The following PCDHA8 variants were observed in gnomAD, a reference collection of about 807,000 sequenced individuals.
PCDHA8 encodes protocadherin alpha 8.
Under a neutral mutation model 61.8 loss-of-function variants are expected in PCDHA8, and 53 were observed. The observed-to-expected ratio is 0.86, with a 90% CI of 0.69 to 1.08. The LOEUF (loss-of-function observed/expected upper bound fraction) is 1.08, where lower values mean the gene tolerates loss of function less well. PCDHA8 is among the 50% of genes least tolerant of loss of function. PCDHA8 has a pLI of 0.00. For missense variants in PCDHA8, 1,293 were observed against 1,245.0 expected (o/e 1.04, Z -0.58); for synonymous variants, 618 against 556.6 (o/e 1.11, Z -1.55).
chr5:140,926,726 C>T, intron 1 of PCDHA8: 1 of 1,046,502 alleles, frequency 9.6e-7, no homozygotes, highest in Non-Finnish European at 1.3e-6. Flanking sequence ...GCAATGCCGG[C>T]GTTCGGGAGG....
Position 140,849,199 on chromosome 5 carries a change from A to G in PCDHA8, c.2394+5484A>G, listed in dbSNP as rs1581177103. 1 of 1,039,422 alleles carries G rather than the reference A, an allele frequency of 9.6e-7. No homozygotes were observed. The allele number at this position is 1,039,422 out of a possible 1,614,324, so 64.4% of individuals were successfully genotyped here. On this transcript the variant is annotated intron_variant, in intron 1 of 3. Transcript: ENST00000531613. Reference sequence around the variant, plus strand: ...CAATTACTCATCACGGTACTGGACAACAATGACAATGCCCCAGTGTTCGAC... The same window carrying G: ...CAATTACTCATCACGGTACTGGACAGCAATGACAATGCCCCAGTGTTCGAC...
rs1310762753 is a variant in PCDHA8, at chr5:140,855,371, T to A, written c.2394+11656T>A. Among the ~76,000 whole-genome samples, 3 of 149,996 alleles carry A rather than the reference T, an allele frequency of 2.0e-5. 1 individual carries two copies. Among genetic ancestry groups the A allele is most frequent in the African/African-American group, 7.3e-5 (3 of 40,926 alleles). On this transcript the variant is annotated intron_variant, in intron 1 of 3. Transcript: ENST00000531613. ...GTCATGTGGCTAGTGAGTAGGATAATAGGAATCTAAATGGAGAAATGTCTG... is the reference window on the plus strand; with the variant it reads ...GTCATGTGGCTAGTGAGTAGGATAAAAGGAATCTAAATGGAGAAATGTCTG...
rs369919324 is a variant in PCDHA8 at position 140,857,387 on chromosome 5, G to T, written c.2394+13672G>T. 3.0e-5 allele frequency: 48 copies of T among 1,598,472 alleles called. 4 individuals carry two copies. The highest frequency in any genetic ancestry group is 3.3e-5 in the Non-Finnish European group (38 of 1,167,956). ...CAGCGTGTCTGTGGAGGTGGCCGAC[G>T]TGAACGACAACGCGCCTGCGTTCGC... is the stretch of plus-strand genomic sequence containing the variant. On this transcript the variant is annotated intron_variant, in intron 1 of 3. Transcript: ENST00000531613.
chr5:140,978,544 A>G (rs2096808919), intron 1 of PCDHA8, among the ~76,000 whole-genome samples: 1 of 152,234 alleles, frequency 6.6e-6, no homozygotes, highest in Non-Finnish European at 1.5e-5. Context: ...TTGTGTAGCC[A>G]TGTGCCCTGT....
chr5:140,935,736 A>G (rs2090532745), intron 1 of PCDHA8, among the ~76,000 whole-genome samples: 1 of 152,190 alleles, frequency 6.6e-6, no homozygotes, highest in Admixed American at 6.5e-5. Flanking sequence ...TCTAGTATCT[A>G]TTATTCCATA....
At chr5:140,880,095 A>G (rs2058235665) in intron 1 of PCDHA8, among the ~76,000 whole-genome samples, 1 of 152,246 alleles carries the variant, frequency 6.6e-6, no homozygotes, top group South Asian at 2.1e-4. Flanking sequence ...AGTAGGCTTA[A>G]AATCATAGAA....
rs2150365344 is a variant in PCDHA8 at position 140,843,702 on chromosome 5, A to C, written c.2381A>C (p.Asp794Ala). Reference protein sequence around the residue: ...DVGEEQDLNVDHGLKPRQPNP... With the variant: ...DVGEEQDLNVAHGLKPRQPNP... ...GGCGAAGAGCAAGATTTAAATGTTG[A>C]TCATGGCCTCAAAGTAAGTCCATTT... The change falls in exon 1 of 4, where the codon GAT becomes GCT. Residue 794 changes from aspartate to alanine, a missense_variant. By Grantham distance (126) the Asp-to-Ala change is moderately radical. Transcript: ENST00000531613. 12 of 1,580,560 alleles carry C rather than the reference A, an allele frequency of 7.6e-6. 1 individual carries two copies. In the African/African-American group the frequency reaches 1.5e-4, roughly 20 times the overall value.
chr5:140,928,106 G>A, intron 1 of PCDHA8: 4 of 1,614,150 alleles, frequency 2.5e-6, no homozygotes, highest in Non-Finnish European at 3.4e-6. Context: ...CCCCTGGACC[G>A]GGAGCAGATC....
chr5:140,939,701 T>C (rs782486336), intron 1 of PCDHA8, among the ~76,000 whole-genome samples: 2 of 152,210 alleles, frequency 1.3e-5, no homozygotes, highest in Non-Finnish European at 2.9e-5. Context: ...GACATTATCA[T>C]TTGTGAGATA....
In PCDHA8 at chr5:141,009,994, C is replaced by T; in HGVS notation, c.*57C>T. 1.3e-6 allele frequency: 2 copies of T among 1,577,076 alleles called. No individual in the cohort carries two copies. Among genetic ancestry groups the T allele is most frequent in the South Asian group, 1.2e-5 (1 of 83,074 alleles). On this transcript the variant is annotated 3_prime_UTR_variant, in exon 4 of 4. Transcript: ENST00000531613. Reference sequence around the variant, plus strand: ...GTTTTTGTAATAATGGCAAATCTCTCCCATGTAGCAATTCCCTGCTCCTTT... The same window carrying T: ...GTTTTTGTAATAATGGCAAATCTCTTCCATGTAGCAATTCCCTGCTCCTTT...
chr5:140,884,654 T>C, intron 1 of PCDHA8: 1 of 1,602,858 alleles, frequency 6.2e-7, no homozygotes, highest in South Asian at 1.1e-5. Context: ...CTCAGAATGC[T>C]TGAAAGAGGT....
At chr5:140,845,285 A>G (rs1237210455) in intron 1 of PCDHA8, among the ~76,000 whole-genome samples, 1 of 149,314 alleles carries the variant, frequency 6.7e-6, no homozygotes, top group East Asian at 1.9e-4. Context: ...AATATTTCCT[A>G]TCCTGTCTAT....
chr5:140,842,996 A>C lies in PCDHA8; in HGVS notation c.1675A>C (p.Asn559His). The change falls in exon 1 of 4, where the codon AAT (asparagine) becomes CAT (histidine). Residue 559 changes from asparagine to histidine, a missense_variant. Transcript: ENST00000531613. ...GCTGCAGGTGTTCGTGCTGGACGAGAATGACAACGCGCCGGCACTGCTGGA... is the reference window on the plus strand; with the variant it reads ...GCTGCAGGTGTTCGTGCTGGACGAGCATGACAACGCGCCGGCACTGCTGGA... ...VTLQVFVLDENDNAPALLEPR... is the reference protein window; with the variant it reads ...VTLQVFVLDEHDNAPALLEPR... 6.3e-7 allele frequency: 1 copy of C among 1,594,948 alleles called. No individual in the cohort carries two copies. Among genetic ancestry groups the C allele is most frequent in the Non-Finnish European group, 8.6e-7 (1 of 1,165,430 alleles).
intron 1 of PCDHA8, 34 bp from the exon 2 acceptor site, chr5:140,978,915 A>G: frequency 6.2e-7 from 1 of 1,613,970 alleles, no homozygotes; most frequent in Non-Finnish European, 8.5e-7. Context: ...TTGTCTTGTC[A>G]TTTTAACAGA....
chr5:140,870,514 T>C lies in PCDHA8; in HGVS notation c.2394+26799T>C, dbSNP rs1554164347. ...CGTGAAGGAGAACAACCCACCAGGC[T>C]GCCACATCTTCACAGTGTCGGCGCG... On this transcript the variant is annotated intron_variant, in intron 1 of 3. Transcript: ENST00000531613. The C allele has an allele frequency of 3.7e-6, 6 of 1,614,224 alleles. No homozygotes were observed. In the East Asian group the frequency reaches 1.3e-4, roughly 36 times the overall value.
chr5:140,891,399 C>T (rs979878059), intron 1 of PCDHA8, among the ~76,000 whole-genome samples: 12 of 151,644 alleles, frequency 7.9e-5, no homozygotes, highest in African/African-American at 2.4e-4. Context: ...TTTTATCCCT[C>T]GCCACCCCCC....
At chr5:141,000,377 C>G (rs1213637729) in intron 3 of PCDHA8, among the ~76,000 whole-genome samples, 1 of 58,954 alleles carries the variant, frequency 1.7e-5, no homozygotes, top group South Asian at 5.5e-4. Flanking sequence ...CTCTCTCTCT[C>G]TCTCTCTCTC....
At chr5:140,993,984 CACTT>C (rs2097589955) in intron 3 of PCDHA8, among the ~76,000 whole-genome samples, 1 of 152,114 alleles carries the variant, frequency 6.6e-6, no homozygotes, top group Non-Finnish European at 1.5e-5. Flanking sequence ...ATTTATTAAG[CACTT>C]AGGTCAGGCC....
intron 1 of PCDHA8, among the ~76,000 whole-genome samples, chr5:140,945,934 T>C (rs1161156525): frequency 2.0e-5 from 3 of 152,092 alleles, no homozygotes; most frequent in African/African-American, 4.8e-5. Context: ...TGAGCAATGA[T>C]GTTTTTTATA....
Sources: allele counts gnomAD v4.1 joint callset (sites outside exome capture counted in the v4.1 genomes callset), GRCh38; gene constraint gnomAD v4.1.1; transcripts MANE v1.5; gene names NCBI Gene and HGNC (gene_info 2026-07-23, HGNC 2026-07-21).